The following CHRM3 variants were observed in gnomAD, a reference collection of about 807,000 sequenced individuals.
CHRM3 encodes cholinergic receptor muscarinic 3, also known as muscarinic acetylcholine receptor M3.
Under a neutral mutation model 41.8 loss-of-function variants are expected in CHRM3, and 11 were observed. That is an observed-to-expected ratio of 0.26 (90% CI 0.17 to 0.44). The LOEUF is 0.44. Ranked by LOEUF, CHRM3 falls within the 20% of genes least tolerant of loss-of-function variation. The pLI, the probability that CHRM3 is intolerant of heterozygous loss-of-function variation, is 1.00. For synonymous variants in CHRM3, 297 were observed against 301.4 expected (o/e 0.99, Z 0.15); for missense variants, 571 against 745.4 (o/e 0.77, Z 2.72).
At position 239,759,188 on chromosome 1, in the gene CHRM3, TTTTTTTTTAG is replaced by T. The variant is rs1558518630; in HGVS notation, c.-146-68063_-146-68054del. Among the ~76,000 whole-genome samples the T allele has an allele frequency of 2.2e-3, 302 of 134,780 alleles. 7 individuals are homozygous for T. The highest frequency in any genetic ancestry group is 9.4e-3 in the African/African-American group (291 of 30,992). 88.4% of individuals were successfully genotyped at this position (134,780 alleles called of 152,430 possible). A position where few individuals can be genotyped will look rare whatever the true frequency, so the allele number is the denominator to read the frequency against. On this transcript the variant is annotated intron_variant, in intron 5 of 6. Transcript: ENST00000676153. ...TTTTTTGTTTTTTTTTTTTGTTTTT[TTTTTTTTTAG>T]AGAGAGGCTTATCCTGAATGTCTGC...
intron 3 of CHRM3, among the ~76,000 whole-genome samples, chr1:239,579,164 G>T (rs1662641531): frequency 6.6e-6 from 1 of 152,150 alleles, no homozygotes; most frequent in Non-Finnish European, 1.5e-5. Flanking sequence ...CTTGTTAAAT[G>T]CCTTCTTTGC....
intron 5 of CHRM3, among the ~76,000 whole-genome samples, chr1:239,715,493 T>G (rs1480442539): frequency 6.6e-6 from 1 of 152,082 alleles, no homozygotes; most frequent in Non-Finnish European, 1.5e-5. Flanking sequence ...CATGGAAGAA[T>G]GCAGAAGGCA....
intron 3 of CHRM3, among the ~76,000 whole-genome samples, chr1:239,579,355 G>T (rs905872461): frequency 6.6e-6 from 1 of 152,128 alleles, no homozygotes; most frequent in African/African-American, 2.4e-5. Flanking sequence ...ATAATTTCTG[G>T]AATATTAAAC....
At chr1:239,841,187 G>C (rs1450847622) in intron 6 of CHRM3, among the ~76,000 whole-genome samples, 1 of 152,174 alleles carries the variant, frequency 6.6e-6, no homozygotes, top group Non-Finnish European at 1.5e-5. Flanking sequence ...ATTTGATGGA[G>C]GCTTTGCACA....
intron 5 of CHRM3, among the ~76,000 whole-genome samples, chr1:239,742,799 G>C (rs1323422126): frequency 6.6e-6 from 1 of 152,180 alleles, no homozygotes; most frequent in Non-Finnish European, 1.5e-5. Context: ...ACAAGAGCCT[G>C]GTGTCATTTA....
At chr1:239,856,208 C>T (rs938480720) in intron 6 of CHRM3, among the ~76,000 whole-genome samples, 7 of 152,142 alleles carry the variant, frequency 4.6e-5, no homozygotes, top group Admixed American at 2.0e-4. Context: ...GAACCCAACT[C>T]GCTCATAGCT....
intron 1 of CHRM3, among the ~76,000 whole-genome samples, chr1:239,435,274 A>AC (rs1663151758): frequency 6.6e-6 from 1 of 151,698 alleles, no homozygotes; most frequent in Non-Finnish European, 1.5e-5. Context: ...ATATCATGAA[A>AC]CCCCGTCTCT....
In CHRM3 at chr1:239,473,264, A is replaced by AAG. The variant is rs1491392452; in HGVS notation, c.-520-19444_-520-19443insGA. Among the ~76,000 whole-genome samples, 343 of 102,544 alleles carry AAG rather than the reference A, an allele frequency of 3.3e-3. 2 individuals are homozygous for AAG. Among genetic ancestry groups the AAG allele is most frequent in the African/African-American group, 0.022 (332 of 15,280 alleles). The allele number at this position is 102,544 out of a possible 152,430, so 67.3% of individuals were successfully genotyped here. ...AACTTAATAAACGTAAGCATATTTG[A>AAG]AAAAAAAAAAAAAAAAAGGACTTGC... is the stretch of plus-strand genomic sequence containing the variant. On this transcript the variant is annotated intron_variant, in intron 1 of 6. Coordinates refer to ENST00000676153, the MANE Select transcript of CHRM3 (RefSeq NM_001375978.1).
At chr1:239,492,424 C>T (rs147015896) in intron 1 of CHRM3, among the ~76,000 whole-genome samples, 2 of 152,308 alleles carry the variant, frequency 1.3e-5, no homozygotes, top group East Asian at 1.9e-4. Context: ...GCAAAGGAAA[C>T]ATTTTAGCTT....
intron 5 of CHRM3, among the ~76,000 whole-genome samples, chr1:239,761,059 T>A (rs1432730814): frequency 6.6e-6 from 1 of 152,228 alleles, no homozygotes; most frequent in Non-Finnish European, 1.5e-5. Flanking sequence ...CACTTTTTTT[T>A]AATGCTTTTT....
chr1:239,575,504 G>A (rs990859429), intron 3 of CHRM3, among the ~76,000 whole-genome samples: 7 of 152,130 alleles, frequency 4.6e-5, no homozygotes, highest in Admixed American at 2.0e-4. Context: ...TTGGCTTACT[G>A]TGTCTCTGAA....
chr1:239,536,592 AC>A lies in CHRM3; in HGVS notation c.-421-9048del, dbSNP rs202050094. ...AAGGTAATTATATGATTTCTGAGTC[AC>A]AAATCATTTCCCTTTAATACAAAAC... On this transcript the variant is annotated intron_variant, in intron 2 of 6. Coordinates refer to ENST00000676153, the MANE Select transcript of CHRM3 (RefSeq NM_001375978.1). 1.1e-4 allele frequency among the ~76,000 whole-genome samples: 16 copies of A among 152,354 alleles called. No individual in the cohort carries two copies. In the East Asian group the frequency reaches 2.1e-3, roughly 20 times the overall value.
intron 4 of CHRM3, among the ~76,000 whole-genome samples, chr1:239,647,460 CTCTT>C (rs1039212387): frequency 1.3e-5 from 2 of 152,068 alleles, no homozygotes; most frequent in African/African-American, 2.4e-5. Flanking sequence ...TTTTTCCTCT[CTCTT>C]CTTCTTTTCT....
intron 1 of CHRM3, among the ~76,000 whole-genome samples, chr1:239,424,804 G>T (rs1402322164): frequency 2.0e-5 from 3 of 152,232 alleles, no homozygotes; most frequent in Non-Finnish European, 4.4e-5. Flanking sequence ...GAAGCAAGTA[G>T]GGGTCAGATC....
intron 5 of CHRM3, among the ~76,000 whole-genome samples, chr1:239,810,713 G>A (rs1671053492): frequency 6.6e-6 from 1 of 152,222 alleles, no homozygotes; most frequent in Non-Finnish European, 1.5e-5. Context: ...AAGGCACCTT[G>A]ATCACTTGTT....
intron 6 of CHRM3, among the ~76,000 whole-genome samples, chr1:239,898,717 C>T (rs1679223144): frequency 6.6e-6 from 1 of 152,148 alleles, no homozygotes. Flanking sequence ...CCGGTTGGCT[C>T]AGAGGACATG....
chr1:239,606,830 A>G (rs1029531701), intron 3 of CHRM3, among the ~76,000 whole-genome samples: 1 of 152,168 alleles, frequency 6.6e-6, no homozygotes, highest in Admixed American at 6.5e-5. Context: ...GGAAACTTCT[A>G]AATGGTCTCT....
chr1:239,497,829 A>G (rs966415503), intron 2 of CHRM3, among the ~76,000 whole-genome samples: 1 of 152,230 alleles, frequency 6.6e-6, no homozygotes, highest in Non-Finnish European at 1.5e-5. Flanking sequence ...CGGAGTGGAC[A>G]TGGCTAGGGG....
chr1:239,573,536 A>G (rs547192933), intron 3 of CHRM3, among the ~76,000 whole-genome samples: 2 of 152,228 alleles, frequency 1.3e-5, no homozygotes, highest in South Asian at 2.1e-4. Flanking sequence ...AAAAAGTTCT[A>G]TTTAGTGTGC....
Sources: gnomAD v4.1 joint callset for allele counts (sites outside exome capture counted in the v4.1 genomes callset) on GRCh38, gnomAD v4.1.1 for gene constraint, MANE v1.5 for transcripts, NCBI Gene and HGNC (gene_info 2026-07-23, HGNC 2026-07-21) for gene names.